Variants in SH3KBP1 observed in about 807,000 individuals in gnomAD.
SH3KBP1 encodes the protein SH3 domain containing kinase binding protein 1.
Under a neutral mutation model 50.1 loss-of-function variants are expected in SH3KBP1, and 8 were observed. The ratio of observed to expected loss-of-function variants is 0.16; its 90% CI spans 0.09 to 0.29. The LOEUF is 0.29. Among genes scored for constraint, SH3KBP1 ranks in the 10% least tolerant of loss-of-function variants. SH3KBP1 has a pLI of 1.00. For missense variants in SH3KBP1, 377 were observed against 535.2 expected, an observed-to-expected ratio of 0.70 and a Z score of 2.92; for synonymous variants, 227 against 218.6, an observed-to-expected ratio of 1.04 and a Z score of -0.34.
In SH3KBP1 at chrX:19,770,041, C is replaced by T. The variant is rs1163549288; in HGVS notation, c.163-23600G>A. On this transcript the variant is annotated intron_variant, in intron 2 of 17. Transcript: ENST00000397821. Reference sequence around the variant, plus strand: ...ATGAATAAATAGTTCAAAGAAGAACCATATATGGCCAACAGACATACGAAA... The same window carrying T: ...ATGAATAAATAGTTCAAAGAAGAACTATATATGGCCAACAGACATACGAAA... Among the ~76,000 whole-genome samples the T allele has an allele frequency of 7.2e-5, 8 of 111,727 alleles. No individual in the cohort carries two copies. In the East Asian group the frequency reaches 2.2e-3, roughly 31 times the overall value.
intron 7 of SH3KBP1, among the ~76,000 whole-genome samples, chrX:19,636,278 C>CT (rs1410690901): frequency 1.8e-5 from 2 of 109,935 alleles, no homozygotes; most frequent in African/African-American, 6.6e-5. Context: ...GTTCATAAGC[C>CT]TTTTTTTGTC....
intron 8 of SH3KBP1, among the ~76,000 whole-genome samples, chrX:19,609,081 C>T (rs1052665936): frequency 8.9e-6 from 1 of 112,928 alleles, no homozygotes; most frequent in Non-Finnish European, 1.9e-5. Context: ...ATGGCAAGAG[C>T]CTGGCCTTTC....
At chrX:19,584,137 A>T (rs1569310006) in intron 12 of SH3KBP1, among the ~76,000 whole-genome samples, 1 of 94,358 alleles carries the variant, frequency 1.1e-5, no homozygotes, top group African/African-American at 3.9e-5. Flanking sequence ...CCATATTAAT[A>T]ATATATATTT....
intron 1 of SH3KBP1, among the ~76,000 whole-genome samples, chrX:19,876,761 T>C (rs749750043): frequency 1.8e-5 from 2 of 111,555 alleles, no homozygotes; most frequent in South Asian, 7.5e-4. Context: ...AGGGAGACTT[T>C]TTCCCGTAAA....
chrX:19,874,068 A>AAAAAAAATATAT (rs1491537486), intron 1 of SH3KBP1, among the ~76,000 whole-genome samples: 1 of 57,035 alleles, frequency 1.8e-5, no homozygotes, highest in Admixed American at 2.1e-4. Flanking sequence ...AAAAAAAAAA[A>AAAAAAAATATAT]ATATATATAT....
chrX:19,778,949 A>T (rs898468361), intron 2 of SH3KBP1, among the ~76,000 whole-genome samples: 2 of 109,424 alleles, frequency 1.8e-5, no homozygotes, highest in African/African-American at 6.6e-5. Flanking sequence ...TCATTCACTC[A>T]TTCATTCATT....
chrX:19,608,476 T>A (rs1206948493), intron 8 of SH3KBP1, among the ~76,000 whole-genome samples: 1 of 108,826 alleles, frequency 9.2e-6, no homozygotes, highest in African/African-American at 3.3e-5. Flanking sequence ...CCTGGCTAAT[T>A]TTTGTATTTT....
At chrX:19,820,060 G>A (rs1603263821) in intron 2 of SH3KBP1, among the ~76,000 whole-genome samples, 1 of 111,333 alleles carries the variant, frequency 9.0e-6, no homozygotes, top group East Asian at 2.8e-4. Flanking sequence ...ATTACTTATG[G>A]TCAAAGAACA....
intron 9 of SH3KBP1, chrX:19,601,479 C>G (rs1346826611): frequency 8.9e-6 from 1 of 111,805 alleles, no homozygotes; most frequent in African/African-American, 3.3e-5. Context: ...TAAAAACAAA[C>G]AAACACAAAC....
chrX:19,832,097 G>A (rs765204436), intron 2 of SH3KBP1, among the ~76,000 whole-genome samples: 1 of 112,348 alleles, frequency 8.9e-6, no homozygotes, highest in Non-Finnish European at 1.9e-5. Flanking sequence ...TCTGCCAAAT[G>A]TGACAGCTAC....
intron 2 of SH3KBP1, among the ~76,000 whole-genome samples, chrX:19,823,001 G>A (rs1367774495): frequency 8.9e-6 from 1 of 111,956 alleles, no homozygotes; most frequent in Non-Finnish European, 1.9e-5. Flanking sequence ...ACATGCAGGT[G>A]GGTTAGGAGT....
At chrX:19,669,890 ATT>A (rs35848210) in intron 6 of SH3KBP1, among the ~76,000 whole-genome samples, 7 of 102,496 alleles carry the variant, frequency 6.8e-5, no homozygotes, top group African/African-American at 2.5e-4. Context: ...TGGCCACGCT[ATT>A]TTTTTTTTTT....
At chrX:19,860,805 T>C (rs1477024492) in intron 1 of SH3KBP1, among the ~76,000 whole-genome samples, 2 of 111,324 alleles carry the variant, frequency 1.8e-5, no homozygotes, top group African/African-American at 6.5e-5. Flanking sequence ...AAGAGGAACC[T>C]AGAACAACCA....
intron 1 of SH3KBP1, among the ~76,000 whole-genome samples, chrX:19,877,099 T>C (rs755444753): frequency 8.9e-6 from 1 of 112,172 alleles, no homozygotes; most frequent in Non-Finnish European, 1.9e-5. Context: ...GATGAGCTCA[T>C]TGACCTACTG....
intron 1 of SH3KBP1, among the ~76,000 whole-genome samples, chrX:19,848,363 A>G (rs2068417225): frequency 8.9e-6 from 1 of 112,423 alleles, no homozygotes; most frequent in African/African-American, 3.2e-5. Flanking sequence ...GGGCAACATG[A>G]GCATGATTAA....
intron 6 of SH3KBP1, among the ~76,000 whole-genome samples, chrX:19,659,174 G>T (rs1393855273): frequency 2.0e-5 from 2 of 100,897 alleles, no homozygotes; most frequent in African/African-American, 7.4e-5. Flanking sequence ...GAGTGCAATG[G>T]CACAATCTCA....
intron 12 of SH3KBP1, among the ~76,000 whole-genome samples, chrX:19,573,477 G>A (rs1345166013): frequency 1.2e-5 from 1 of 86,750 alleles, no homozygotes; most frequent in African/African-American, 3.6e-5. Flanking sequence ...AGTAGAGACA[G>A]GGTTTCACCA....
intron 13 of SH3KBP1, among the ~76,000 whole-genome samples, chrX:19,560,006 G>A (rs1398011366): frequency 9.0e-6 from 1 of 111,048 alleles, no homozygotes; most frequent in Non-Finnish European, 1.9e-5. Flanking sequence ...ATGCTCATGA[G>A]CCAGGTGCAG....
intron 1 of SH3KBP1, among the ~76,000 whole-genome samples, chrX:19,883,707 C>T (rs1179885690): frequency 9.0e-6 from 1 of 111,541 alleles, no homozygotes; most frequent in African/African-American, 3.3e-5. Flanking sequence ...AAAACAAGAC[C>T]ACACATTAAT....
Sources: allele counts gnomAD v4.1 joint callset (sites outside exome capture counted in the v4.1 genomes callset), GRCh38; gene constraint gnomAD v4.1.1; transcripts MANE v1.5; gene names NCBI Gene and HGNC (gene_info 2026-07-23, HGNC 2026-07-21).